Variants in ARHGEF26 observed in about 807,000 individuals in gnomAD.
ARHGEF26 encodes the protein Rho guanine nucleotide exchange factor 26.
ARHGEF26 carries 59 observed loss-of-function variants against 89.4 expected under a neutral mutation model. That is an observed-to-expected ratio of 0.66 (90% CI 0.54 to 0.82). ARHGEF26 has a LOEUF of 0.82. Ranked by LOEUF, ARHGEF26 falls within the 40% of genes least tolerant of loss-of-function variation. ARHGEF26 has a pLI of 0.00. For missense variants in ARHGEF26, 1,234 were observed against 1,085.6 expected (o/e 1.14, Z -1.92); for synonymous variants, 500 against 428.4 (o/e 1.17, Z -2.06).
chr3:154,191,905 G>A (rs1328902732), intron 8 of ARHGEF26, among the ~76,000 whole-genome samples: 4 of 152,214 alleles, frequency 2.6e-5, no homozygotes, highest in African/African-American at 9.6e-5. Flanking sequence ...TATGCATTGT[G>A]CGAAGTGAGT....
intron 11 of ARHGEF26, among the ~76,000 whole-genome samples, chr3:154,229,360 T>C (rs1432470589): frequency 6.6e-6 from 1 of 152,200 alleles, no homozygotes; most frequent in African/African-American, 2.4e-5. Flanking sequence ...TGTGGGCATG[T>C]GCCTTTCTCT....
intron 9 of ARHGEF26, among the ~76,000 whole-genome samples, chr3:154,213,980 G>A (rs1490696986): frequency 1.3e-5 from 2 of 152,104 alleles, no homozygotes; most frequent in Non-Finnish European, 2.9e-5. Flanking sequence ...TGCCCACATT[G>A]AGCACTGAAA....
chr3:154,199,631 AACCTCCAAAC>A (rs2108206437), intron 9 of ARHGEF26, among the ~76,000 whole-genome samples: 1 of 152,276 alleles, frequency 6.6e-6, no homozygotes, highest in African/African-American at 2.4e-5. Flanking sequence ...TTTTTTAAGG[AACCTCCAAAC>A]TGTTCTCCAT....
At chr3:154,177,420 A>T (rs1712895360) in intron 6 of ARHGEF26, among the ~76,000 whole-genome samples, 1 of 152,210 alleles carries the variant, frequency 6.6e-6, no homozygotes, top group Admixed American at 6.5e-5. Flanking sequence ...CATGGTGATT[A>T]GGCAGAAGGA....
intron 6 of ARHGEF26, among the ~76,000 whole-genome samples, chr3:154,159,654 A>G (rs1434196430): frequency 6.6e-6 from 1 of 152,180 alleles, no homozygotes; most frequent in Non-Finnish European, 1.5e-5. Context: ...AAATGAGTTC[A>G]TATTACCAAA....
At position 154,217,932 on chromosome 3, in the gene ARHGEF26, A is replaced by G. The variant is rs375073496; in HGVS notation, c.1909A>G (p.Asn637Asp). The G allele has an allele frequency of 6.3e-7, 1 of 1,597,906 alleles. No homozygotes were observed. The highest frequency in any genetic ancestry group is 1.3e-5 in the African/African-American group (1 of 74,794). The change falls in exon 10 of 15, where the codon AAC (asparagine) becomes GAC (aspartate). Residue 637 changes from asparagine to aspartate, a missense_variant. Asn to Asp is a conservative substitution (Grantham distance 23). Coordinates refer to ENST00000465093, the MANE Select transcript of ARHGEF26 (RefSeq NM_015595.4). ...AAGGACTGAGATGATGTACACAATT[A>G]ACTCCCAGCTGGAATTTAAAATTAA... ...MERTEMMYTI[N>D]SQLEFKIKPF...
rs1172397280 is a variant in ARHGEF26 at position 154,123,093 on chromosome 3, T to C, written c.1083+18T>C. The C allele has an allele frequency of 6.2e-7, 1 of 1,611,356 alleles. No individual in the cohort carries two copies. The highest frequency in any genetic ancestry group is 8.5e-7 in the Non-Finnish European group (1 of 1,178,172). ...GGATAAAGGTAAAAGTGGGCAGGAG[T>C]GTGGCACGCCATTCACTAAGCGGAA... On this transcript the variant is annotated intron_variant, in intron 2 of 14. Coordinates refer to ENST00000465093, the MANE Select transcript of ARHGEF26 (RefSeq NM_015595.4).
At position 154,189,833 on chromosome 3, in the gene ARHGEF26, G is replaced by T. The variant is rs201441629; in HGVS notation, c.1641-1456G>T. 8.3e-3 allele frequency among the ~76,000 whole-genome samples: 1,198 copies of T among 144,280 alleles called. 15 individuals carry two copies. The highest frequency in any genetic ancestry group is 0.029 in the African/African-American group (1,129 of 39,538). 94.7% of individuals were successfully genotyped at this position (144,280 alleles called of 152,430 possible). A position where few individuals can be genotyped will look rare whatever the true frequency, so the allele number is the denominator to read the frequency against. On this transcript the variant is annotated intron_variant, in intron 7 of 14. Transcript: ENST00000465093. Reference sequence around the variant, plus strand: ...ATATACAACTAATTTAGAGGTTTTTGTTTTTTTTTTTTAACTTTCTAAAAA... The same window carrying T: ...ATATACAACTAATTTAGAGGTTTTTTTTTTTTTTTTTTAACTTTCTAAAAA...
intron 9 of ARHGEF26, among the ~76,000 whole-genome samples, chr3:154,211,706 T>G (rs1559901981): frequency 2.0e-5 from 3 of 152,222 alleles, no homozygotes; most frequent in Non-Finnish European, 4.4e-5. Flanking sequence ...GGATGATCAG[T>G]GGAGTCTTCT....
intron 12 of ARHGEF26, among the ~76,000 whole-genome samples, chr3:154,242,419 C>T (rs1023151056): frequency 1.3e-5 from 2 of 152,154 alleles, no homozygotes; most frequent in Non-Finnish European, 2.9e-5. Flanking sequence ...GAAGCAACTG[C>T]AGATGCAATG....
rs547016438 is a variant in ARHGEF26, at chr3:154,255,743, A to G, written c.*270A>G. 3.0e-4 allele frequency: 367 copies of G among 1,236,694 alleles called. 2 individuals carry two copies. The Middle Eastern group carries it at 9.6e-3, about 32-fold the overall frequency. 76.6% of individuals were successfully genotyped at this position (1,236,694 alleles called of 1,614,324 possible). A position where few individuals can be genotyped will look rare whatever the true frequency, so the allele number is the denominator to read the frequency against. On this transcript the variant is annotated 3_prime_UTR_variant, in exon 15 of 15. Transcript: ENST00000465093. ...AGCAGTTCACTTCAGGGATCAGGTC[A>G]TCTCTGCTCCTCCTAGTTTCACCAT...
chr3:154,124,279 G>A, intron 2 of ARHGEF26, 131 bp from the exon 3 acceptor site: 1 of 655,398 alleles, frequency 1.5e-6, no homozygotes, highest in Non-Finnish European at 2.5e-6. Flanking sequence ...GTGCGCTCTT[G>A]GAAATCTAAT....
chr3:154,173,125 G>A (rs188427444), intron 6 of ARHGEF26, among the ~76,000 whole-genome samples: 122 of 152,062 alleles, frequency 8.0e-4, no homozygotes, highest in Non-Finnish European at 1.3e-3. Context: ...ATTTCATATC[G>A]TAATTATGCC....
At chr3:154,138,760 A>T (rs1034357775) in intron 4 of ARHGEF26, among the ~76,000 whole-genome samples, 1 of 152,202 alleles carries the variant, frequency 6.6e-6, no homozygotes, top group East Asian at 1.9e-4. Context: ...AATCGATGAG[A>T]GAGATTGATG....
rs1404223449 is a variant in ARHGEF26 at position 154,255,565 on chromosome 3, G to A, written c.*92G>A. On this transcript the variant is annotated 3_prime_UTR_variant, in exon 15 of 15. Coordinates refer to ENST00000465093, the MANE Select transcript of ARHGEF26 (RefSeq NM_015595.4). Reference sequence around the variant, plus strand: ...TAGTTTTATTGTTAATTTTGTCACAGCCTATTTAATTAAAAGAACGAAAAC... The same window carrying A: ...TAGTTTTATTGTTAATTTTGTCACAACCTATTTAATTAAAAGAACGAAAAC... The A allele has an allele frequency of 1.3e-6, 2 of 1,496,356 alleles. No homozygotes were observed. The highest frequency in any genetic ancestry group is 8.9e-7 in the Non-Finnish European group (1 of 1,126,526). The allele number at this position is 1,496,356 out of a possible 1,614,324, so 92.7% of individuals were successfully genotyped here. A position where few individuals can be genotyped will look rare whatever the true frequency, so the allele number is the denominator to read the frequency against.
intron 12 of ARHGEF26, among the ~76,000 whole-genome samples, chr3:154,250,506 G>T (rs1718075881): frequency 6.6e-6 from 1 of 152,216 alleles, no homozygotes; most frequent in Non-Finnish European, 1.5e-5. Context: ...TCTAAGAGAT[G>T]CTATTAGCAT....
At chr3:154,211,320 G>A (rs1461131657) in intron 9 of ARHGEF26, among the ~76,000 whole-genome samples, 1 of 152,146 alleles carries the variant, frequency 6.6e-6, no homozygotes, top group African/African-American at 2.4e-5. Context: ...AGTTCAGACT[G>A]CTGGGATAAG....
intron 4 of ARHGEF26, among the ~76,000 whole-genome samples, chr3:154,134,895 A>C (rs1718910724): frequency 6.6e-6 from 1 of 152,080 alleles, no homozygotes; most frequent in Non-Finnish European, 1.5e-5. Flanking sequence ...TGATTTGTGC[A>C]TGTTGAACCA....
At chr3:154,157,479 G>A (rs575772147) in intron 6 of ARHGEF26, among the ~76,000 whole-genome samples, 2 of 152,260 alleles carry the variant, frequency 1.3e-5, no homozygotes, top group South Asian at 2.1e-4. Flanking sequence ...TAAAGCCTAT[G>A]TGGAAACATT....
Sources: allele counts gnomAD v4.1 joint callset (sites outside exome capture counted in the v4.1 genomes callset), GRCh38; gene constraint gnomAD v4.1.1; transcripts MANE v1.5; gene names NCBI Gene and HGNC (gene_info 2026-07-23, HGNC 2026-07-21).